The following CDON variants were observed in gnomAD, a reference collection of about 807,000 sequenced individuals.
The protein encoded by CDON is cell adhesion associated, oncogene regulated.
Under a neutral mutation model 120.9 loss-of-function variants are expected in CDON, and 73 were observed. The ratio of observed to expected loss-of-function variants is 0.60; its 90% CI spans 0.50 to 0.73. The LOEUF is 0.73. CDON is among the 30% of genes least tolerant of loss of function. The probability of loss-of-function intolerance (pLI) is 0.00; values close to 1 mark genes in which losing one functional copy is unlikely to be tolerated. For missense variants in CDON, 1,470 were observed against 1,587.3 expected (o/e 0.93, Z 1.26); for synonymous variants, 566 against 573.5 (o/e 0.99, Z 0.19).
chr11:126,011,209 G>A (rs1947292759), intron 7 of CDON, among the ~76,000 whole-genome samples: 2 of 152,144 alleles, frequency 1.3e-5, no homozygotes, highest in South Asian at 4.1e-4. Flanking sequence ...TTTTCCCATA[G>A]GCATGAACAG....
intron 18 of CDON, among the ~76,000 whole-genome samples, chr11:125,966,371 GA>G (rs1565489207): frequency 6.6e-6 from 1 of 152,140 alleles, no homozygotes; most frequent in Non-Finnish European, 1.5e-5. Context: ...AAGACATGGG[GA>G]TAAGAGCATG....
intron 10 of CDON, among the ~76,000 whole-genome samples, chr11:126,002,487 G>A (rs80071735): frequency 0.017 from 2,560 of 152,050 alleles, 80 homozygotes; most frequent in African/African-American, 0.059. Context: ...CCTCCTTTTC[G>A]TTACAGTGCC....
chr11:126,060,093 C>G (rs562493353), intron 1 of CDON, among the ~76,000 whole-genome samples: 1 of 152,040 alleles, frequency 6.6e-6, no homozygotes, highest in Non-Finnish European at 1.5e-5. Context: ...GCCAAATACA[C>G]AACAAAAACT....
rs572486967 is a variant in CDON, at chr11:126,001,821, C to T, written c.2056G>A (p.Ala686Thr). The change falls in exon 11 of 20, where the codon GCA (alanine) becomes ACA (threonine). Residue 686 changes from alanine (A) to threonine (T), a missense_variant. Physicochemically the swap from Ala to Thr is moderately conservative, Grantham distance 58. Coordinates refer to ENST00000531738, the MANE Select transcript of CDON (RefSeq NM_001378964.1). ...EKTASSKNTQ[A>T]SSPPVGIPKY... ...GGGATGCCCACGGGTGGAGAGGATGCCTGGGTGTTTTTTGATGACGCTGTT... is the reference window on the plus strand; with the variant it reads ...GGGATGCCCACGGGTGGAGAGGATGTCTGGGTGTTTTTTGATGACGCTGTT... 11 of 1,607,818 alleles carry T rather than the reference C, an allele frequency of 6.8e-6. No individual in the cohort carries two copies. The South Asian group carries it at 8.8e-5, about 13-fold the overall frequency.
At chr11:125,988,189 A>G (rs1267765801) in intron 15 of CDON, among the ~76,000 whole-genome samples, 1 of 151,978 alleles carries the variant, frequency 6.6e-6, no homozygotes, top group African/African-American at 2.4e-5. Flanking sequence ...AATTGTGGCT[A>G]ATGAGACTGG....
At chr11:125,986,076 C>T (rs1218542564) in intron 15 of CDON, among the ~76,000 whole-genome samples, 1 of 152,134 alleles carries the variant, frequency 6.6e-6, no homozygotes, top group African/African-American at 2.4e-5. Context: ...CAAATGTCCA[C>T]TAATGATAGA....
intron 11 of CDON, among the ~76,000 whole-genome samples, chr11:125,998,911 G>A (rs1198039397): frequency 6.6e-6 from 1 of 152,068 alleles, no homozygotes; most frequent in East Asian, 1.9e-4. Flanking sequence ...AGCCACTAGG[G>A]AGCCCCATCT....
chr11:126,058,634 T>C (rs1314339926), intron 1 of CDON, among the ~76,000 whole-genome samples: 1 of 152,234 alleles, frequency 6.6e-6, no homozygotes, highest in Non-Finnish European at 1.5e-5. Flanking sequence ...AATATGCTAC[T>C]GCATTCTGCA....
At chr11:125,999,352 G>C (rs1256868388) in intron 11 of CDON, among the ~76,000 whole-genome samples, 2 of 152,140 alleles carry the variant, frequency 1.3e-5, no homozygotes, top group Non-Finnish European at 2.9e-5. Context: ...CTGTTAACAA[G>C]GTAGAAAAGA....
At chr11:126,003,658 A>C (rs1403818595) in intron 10 of CDON, among the ~76,000 whole-genome samples, 1 of 152,096 alleles carries the variant, frequency 6.6e-6, no homozygotes, top group Non-Finnish European at 1.5e-5. Context: ...GTCTCTACCA[A>C]AAATACAAAA....
At chr11:126,035,837 A>T (rs1038564482) in intron 1 of CDON, among the ~76,000 whole-genome samples, 1 of 152,166 alleles carries the variant, frequency 6.6e-6, no homozygotes, top group Admixed American at 6.5e-5. Context: ...AACATAACAC[A>T]ACATAGCATG....
chr11:126,051,860 GCTGGTC>G (rs1315036208), intron 1 of CDON, among the ~76,000 whole-genome samples: 1 of 151,796 alleles, frequency 6.6e-6, no homozygotes, highest in Non-Finnish European at 1.5e-5. Context: ...TGTTGGCCAG[GCTGGTC>G]TTGAACTCCT....
At chr11:126,006,633 C>T (rs766982746) in intron 8 of CDON, among the ~76,000 whole-genome samples, 6 of 152,128 alleles carry the variant, frequency 3.9e-5, no homozygotes, top group Admixed American at 1.3e-4. Flanking sequence ...CGTGCCACTG[C>T]ACTCCAGCCT....
intron 16 of CDON, 109 bp from the exon 17 acceptor site, chr11:125,981,438 G>C: frequency 9.4e-7 from 1 of 1,069,288 alleles, no homozygotes; most frequent in South Asian, 1.5e-5. Flanking sequence ...ACGCACACAC[G>C]CACACAGTAA....
intron 12 of CDON, among the ~76,000 whole-genome samples, chr11:125,996,161 A>AACACACACAC (rs35536827): frequency 5.2e-4 from 76 of 146,044 alleles, no homozygotes; most frequent in Non-Finnish European, 2.2e-4. Flanking sequence ...GTCACAGCAA[A>AACACACACAC]ACACACACAC....
chr11:126,041,369 T>G (rs1948259091), intron 1 of CDON, among the ~76,000 whole-genome samples: 1 of 152,126 alleles, frequency 6.6e-6, no homozygotes, highest in Non-Finnish European at 1.5e-5. Flanking sequence ...TATGACCAAC[T>G]GTGGGTAAAT....
chr11:126,009,551 G>C (rs559620171), intron 8 of CDON, among the ~76,000 whole-genome samples: 1 of 152,296 alleles, frequency 6.6e-6, no homozygotes, highest in South Asian at 2.1e-4. Context: ...TTAACCTGTG[G>C]GACCATGGCC....
intron 18 of CDON, among the ~76,000 whole-genome samples, chr11:125,972,153 C>T (rs747641729): frequency 2.0e-5 from 3 of 152,122 alleles, no homozygotes; most frequent in Non-Finnish European, 4.4e-5. Flanking sequence ...GGGTCAGGCG[C>T]GGTAGCTCGC....
At chr11:126,033,724 C>T (rs1006673944) in intron 1 of CDON, among the ~76,000 whole-genome samples, 1 of 152,036 alleles carries the variant, frequency 6.6e-6, no homozygotes, top group Admixed American at 6.5e-5. Flanking sequence ...AGGGGTTCTC[C>T]CAAAATGAGA....
Sources: allele counts gnomAD v4.1 joint callset (sites outside exome capture counted in the v4.1 genomes callset), GRCh38; gene constraint gnomAD v4.1.1; transcripts MANE v1.5; gene names NCBI Gene and HGNC (gene_info 2026-07-23, HGNC 2026-07-21).